Variants in PTK7 observed in about 807,000 individuals in gnomAD.
The protein encoded by PTK7 is inactive tyrosine-protein kinase 7.
Under a neutral mutation model 116.6 loss-of-function variants are expected in PTK7, and 39 were observed. That is an observed-to-expected ratio of 0.33 (90% CI 0.26 to 0.44). PTK7 has a LOEUF of 0.44. Among genes scored for constraint, PTK7 ranks in the 20% least tolerant of loss-of-function variants. The pLI, the probability that PTK7 is intolerant of heterozygous loss-of-function variation, is 1.00. For missense variants in PTK7, 1,169 were observed against 1,425.6 expected (o/e 0.82, Z 2.90); for synonymous variants, 546 against 563.6 (o/e 0.97, Z 0.44).
In PTK7 at chr6:43,158,727, A is replaced by AGTGTTGAAACGCTACCAAGGGTT. The variant is rs1405235461; in HGVS notation, c.2722-82_2722-60dup. ...TGGGCTTCCTACGCAGCACACCAAT[A>AGTGTTGAAACGCTACCAAGGGTT]GTGTTGAAACGCTACCAAGGGTTGT... On this transcript the variant is annotated intron_variant, in intron 17 of 19. Coordinates refer to ENST00000230419, the MANE Select transcript of PTK7 (RefSeq NM_002821.5). The AGTGTTGAAACGCTACCAAGGGTT allele has an allele frequency of 7.9e-6, 11 of 1,383,882 alleles. No individual in the cohort carries two copies. In the Middle Eastern group the frequency reaches 1.5e-3, roughly 193 times the overall value. The allele number at this position is 1,383,882 out of a possible 1,614,324, so 85.7% of individuals were successfully genotyped here.
chr6:43,155,559 G>A (rs925358508), intron 17 of PTK7, among the ~76,000 whole-genome samples: 1 of 149,632 alleles, frequency 6.7e-6, no homozygotes, highest in Non-Finnish European at 1.5e-5. Context: ...CAGGAGAATC[G>A]CTTGAACCCG....
chr6:43,160,948 T>C lies in PTK7; in HGVS notation c.*67T>C, dbSNP rs770681719. On this transcript the variant is annotated 3_prime_UTR_variant, in exon 20 of 20. Transcript: ENST00000230419. ...CTCTAGAGGGAAGCTCACAGCATGA[T>C]GGGCAAGATCCCTGTCCTCCTGGGC... 1.9e-6 allele frequency: 3 copies of C among 1,567,700 alleles called. No homozygotes were observed. Among genetic ancestry groups the C allele is most frequent in the Non-Finnish European group, 2.6e-6 (3 of 1,157,484 alleles).
intron 1 of PTK7, among the ~76,000 whole-genome samples, chr6:43,097,799 TC>T (rs1767343152): frequency 6.6e-6 from 1 of 152,206 alleles, no homozygotes; most frequent in African/African-American, 2.4e-5. Flanking sequence ...GAGACTGTGT[TC>T]TCTGTTCACC....
intron 1 of PTK7, among the ~76,000 whole-genome samples, chr6:43,117,062 G>A (rs976114037): frequency 2.6e-5 from 4 of 152,122 alleles, no homozygotes; most frequent in South Asian, 2.1e-4. Context: ...GAACTGAGGT[G>A]ATCTGCCCAC....
chr6:43,157,364 A>ATATAAATT (rs70990168), intron 17 of PTK7, among the ~76,000 whole-genome samples: 1 of 54,364 alleles, frequency 1.8e-5, no homozygotes, highest in African/African-American at 7.2e-5. Context: ...ATATATATAT[A>ATATAAATT]TTTTTTTTTT....
chr6:43,152,011 A>G (rs930268391), intron 17 of PTK7, among the ~76,000 whole-genome samples: 21 of 150,020 alleles, frequency 1.4e-4, no homozygotes, highest in Admixed American at 1.3e-3. Context: ...AGCCCGACTA[A>G]TTTTTTGTAT....
At chr6:43,149,669 A>G (rs1582208507) in intron 17 of PTK7, among the ~76,000 whole-genome samples, 1 of 152,234 alleles carries the variant, frequency 6.6e-6, no homozygotes, top group South Asian at 2.1e-4. Flanking sequence ...TGAGTGACAT[A>G]GCAAGACCTG....
intron 18 of PTK7, among the ~76,000 whole-genome samples, chr6:43,159,304 T>G (rs1181755393): frequency 2.0e-5 from 3 of 152,208 alleles, no homozygotes; most frequent in Non-Finnish European, 4.4e-5. Flanking sequence ...TATTTTGAAG[T>G]CTGAGACTTA....
At position 43,132,645 on chromosome 6, in the gene PTK7, C is replaced by G; in HGVS notation, c.1186C>G (p.Leu396Val). 1 of 1,583,486 alleles carries G rather than the reference C, an allele frequency of 6.3e-7. No individual in the cohort carries two copies. ...TGTCTACACCTGCCACGCGGCCAAC[C>G]TGGCTGGTCAGCGGAGACAGGATGT... ...AGVYTCHAAN[L>V]AGQRRQDVNI... The change falls in exon 7 of 20, where the codon CTG becomes GTG. Residue 396 changes from leucine to valine, a missense_variant. Leu to Val is a conservative substitution (Grantham distance 32). Coordinates refer to ENST00000230419, the MANE Select transcript of PTK7 (RefSeq NM_002821.5).
intron 1 of PTK7, among the ~76,000 whole-genome samples, chr6:43,085,771 T>G (rs1013843595): frequency 4.6e-5 from 7 of 151,190 alleles, no homozygotes; most frequent in Non-Finnish European, 8.9e-5. Flanking sequence ...CCATCTCTAG[T>G]AAAAATATAA....
chr6:43,123,647 GTGTC>G (rs1769099095), intron 1 of PTK7, among the ~76,000 whole-genome samples: 2 of 152,224 alleles, frequency 1.3e-5, no homozygotes, highest in South Asian at 4.1e-4. Context: ...GGCAGAGTGA[GTGTC>G]TGCATATAGA....
chr6:43,092,884 CTTATCTGTGATGG>C (rs1367989784), intron 1 of PTK7, among the ~76,000 whole-genome samples: 5 of 152,150 alleles, frequency 3.3e-5, no homozygotes, highest in Non-Finnish European at 2.9e-5. Flanking sequence ...GACTGTGATG[CTTATCTGTGATGG>C]TTATAACTGT....
intron 17 of PTK7, among the ~76,000 whole-genome samples, chr6:43,157,877 C>T (rs1771609213): frequency 6.6e-6 from 1 of 152,094 alleles, no homozygotes; most frequent in South Asian, 2.1e-4. Flanking sequence ...TAGGCATGTG[C>T]CACCACACCC....
intron 1 of PTK7, among the ~76,000 whole-genome samples, chr6:43,110,046 G>C (rs1436459789): frequency 1.4e-5 from 2 of 139,832 alleles, no homozygotes; most frequent in African/African-American, 5.5e-5. Flanking sequence ...GCCCAGGCTA[G>C]AGTGCAGTGG....
At chr6:43,158,380 T>C (rs1771641838) in intron 17 of PTK7, among the ~76,000 whole-genome samples, 2 of 151,904 alleles carry the variant, frequency 1.3e-5, no homozygotes, top group South Asian at 4.2e-4. Flanking sequence ...GGTGGGAGGA[T>C]TGCTTGAGCC....
chr6:43,131,444 A>G (rs998846493), intron 5 of PTK7, among the ~76,000 whole-genome samples: 1 of 152,232 alleles, frequency 6.6e-6, no homozygotes, highest in Non-Finnish European at 1.5e-5. Context: ...TACAAAAGAA[A>G]GAGGTTTAAT....
At chr6:43,106,893 G>A (rs960892352) in intron 1 of PTK7, among the ~76,000 whole-genome samples, 8 of 148,116 alleles carry the variant, frequency 5.4e-5, no homozygotes, top group African/African-American at 2.0e-4. Context: ...TGGGATTACA[G>A]GTGTGAGCCA....
At chr6:43,135,787 A>G (rs974720529) in intron 7 of PTK7, among the ~76,000 whole-genome samples, 1 of 152,242 alleles carries the variant, frequency 6.6e-6, no homozygotes, top group Non-Finnish European at 1.5e-5. Flanking sequence ...TACATAGCAA[A>G]CCACTTCAAA....
chr6:43,137,036 G>T (rs984865834), intron 7 of PTK7, among the ~76,000 whole-genome samples: 1 of 152,140 alleles, frequency 6.6e-6, no homozygotes, highest in Non-Finnish European at 1.5e-5. Context: ...TCTACCTCTT[G>T]ATGGGAAAGT....
Sources: gnomAD v4.1 joint callset for allele counts (sites outside exome capture counted in the v4.1 genomes callset) on GRCh38, gnomAD v4.1.1 for gene constraint, MANE v1.5 for transcripts, NCBI Gene and HGNC (gene_info 2026-07-23, HGNC 2026-07-21) for gene names.